The following DMXL1 variants were observed in gnomAD, a reference collection of about 807,000 sequenced individuals.
DMXL1 encodes the protein dmX-like protein 1.
DMXL1 carries 99 observed loss-of-function variants against 319.2 expected under a neutral mutation model. The observed-to-expected ratio is 0.31, with a 90% CI of 0.26 to 0.37. DMXL1 has a LOEUF of 0.37. DMXL1 is among the 10% of genes least tolerant of loss of function. The pLI is 1.00. For missense variants in DMXL1, 3,745 were observed against 3,595.6 expected (o/e 1.04, Z -1.06); for synonymous variants, 1,385 against 1,235.2 (o/e 1.12, Z -2.54).
At chr5:119,212,978 C>G (rs904868099) in intron 34 of DMXL1, among the ~76,000 whole-genome samples, 4 of 152,070 alleles carry the variant, frequency 2.6e-5, no homozygotes, top group Admixed American at 2.6e-4. Flanking sequence ...CCTTCTTAAA[C>G]CCAACTTTTT....
intron 32 of DMXL1, among the ~76,000 whole-genome samples, chr5:119,200,939 A>C (rs142447279): frequency 6.6e-6 from 1 of 152,264 alleles, no homozygotes; most frequent in African/African-American, 2.4e-5. Context: ...AACTTTGCTA[A>C]GTTGTTTATC....
chr5:119,147,414 G>A lies in DMXL1; in HGVS notation c.2855G>A (p.Ser952Asn), dbSNP rs1361906460. The change falls in exon 17 of 44, where the codon AGC (serine) becomes AAC (asparagine). Residue 952 changes from serine to asparagine, a missense_variant. Transcript: ENST00000539542. Reference protein sequence around the residue: ...RLTLFSEMVYSQELHLPEGVE... With the variant: ...RLTLFSEMVYNQELHLPEGVE... ...ACTCTGTTTTCAGAAATGGTTTATAGCCAAGAATTGCATTTACCAGAAGGA... is the reference window on the plus strand; with the variant it reads ...ACTCTGTTTTCAGAAATGGTTTATAACCAAGAATTGCATTTACCAGAAGGA... 1 of 1,613,356 alleles carries A rather than the reference G, an allele frequency of 6.2e-7. No individual in the cohort carries two copies. The highest frequency in any genetic ancestry group is 8.5e-7 in the Non-Finnish European group (1 of 1,179,682).
chr5:119,177,632 TAC>T (rs1254081967), intron 27 of DMXL1, 148 bp downstream of exon 27: 7 of 613,470 alleles, frequency 1.1e-5, no homozygotes, highest in South Asian at 1.0e-4. Flanking sequence ...CATTCTGAAT[TAC>T]AGTTACTTAA....
intron 23 of DMXL1, among the ~76,000 whole-genome samples, chr5:119,169,926 C>T (rs1057432340): frequency 1.3e-5 from 2 of 152,110 alleles, no homozygotes; most frequent in South Asian, 2.1e-4. Context: ...TATAACTGGA[C>T]GTTTTAAATT....
At chr5:119,169,957 G>A (rs1774217696) in intron 23 of DMXL1, among the ~76,000 whole-genome samples, 1 of 152,190 alleles carries the variant, frequency 6.6e-6, no homozygotes, top group South Asian at 2.1e-4. Flanking sequence ...ATTACCTGAA[G>A]AGACTTGTTT....
intron 18 of DMXL1, 133 bp downstream of exon 18, chr5:119,150,554 T>G: frequency 3.0e-6 from 3 of 985,684 alleles, no homozygotes; most frequent in Non-Finnish European, 4.3e-6. Flanking sequence ...TTTGGGAGGC[T>G]GAGGCAGGAG....
chr5:119,173,684 GTGTGTGTGTGTGTGTA>G (rs1204614893), intron 25 of DMXL1, among the ~76,000 whole-genome samples: 9 of 112,332 alleles, frequency 8.0e-5, no homozygotes, highest in East Asian at 9.4e-4. Flanking sequence ...GTGTGTGTGT[GTGTGTGTGTGTGTGTA>G]TATATATATG....
At chr5:119,161,726 A>G (rs865812989) in intron 19 of DMXL1, among the ~76,000 whole-genome samples, 2 of 152,012 alleles carry the variant, frequency 1.3e-5, no homozygotes, top group African/African-American at 2.4e-5. Flanking sequence ...GTAGATGTCT[A>G]CCAGTCTGGG....
intron 8 of DMXL1, 44 bp downstream of exon 8, chr5:119,119,048 T>C (rs1286930595): frequency 1.5e-6 from 2 of 1,353,528 alleles, no homozygotes; most frequent in Admixed American, 2.2e-5. Flanking sequence ...TTTAAAACCT[T>C]TGGTACATTG....
chr5:119,123,377 G>C (rs1762706883), intron 9 of DMXL1, among the ~76,000 whole-genome samples: 1 of 70,350 alleles, frequency 1.4e-5, no homozygotes, highest in Non-Finnish European at 2.9e-5. Context: ...GGGAGAGGGA[G>C]AGGGAGAGGA....
intron 9 of DMXL1, among the ~76,000 whole-genome samples, chr5:119,121,797 T>C (rs1762117760): frequency 6.6e-6 from 1 of 152,168 alleles, no homozygotes; most frequent in Non-Finnish European, 1.5e-5. Context: ...AGCTGTTGGG[T>C]ACACCTCCCA....
At chr5:119,183,621 C>A (rs1415777753) in intron 28 of DMXL1, among the ~76,000 whole-genome samples, 5 of 151,884 alleles carry the variant, frequency 3.3e-5, no homozygotes, top group African/African-American at 1.2e-4. Flanking sequence ...TACAGGCGTG[C>A]ACCACCACAC....
rs753804046 is a variant in DMXL1, at chr5:119,177,473, C to G, written c.6875C>G (p.Ala2292Gly). Residue 2292 changes from alanine to glycine, a missense_variant, in exon 27 of 44, where the codon GCT (alanine) becomes GGT (glycine). By Grantham distance (60) the Ala-to-Gly change is moderately conservative. Around this residue, in one of 4 missense-constraint regions of DMXL1, gnomAD observed 1,382 missense variants for 1,269.5 expected, o/e 1.09. Coordinates refer to ENST00000539542, the MANE Select transcript of DMXL1 (RefSeq NM_001290321.3). ...DEALTPNTSP[A>G]QWPGITCLIR... Reference sequence around the variant, plus strand: ...GCATTAACTCCCAATACGTCACCAGCTCAATGGCCAGGTATAATTTTTATG... The same window carrying G: ...GCATTAACTCCCAATACGTCACCAGGTCAATGGCCAGGTATAATTTTTATG... 3.1e-6 allele frequency: 5 copies of G among 1,599,312 alleles called. No homozygotes were observed.
At chr5:119,202,701 AT>A (rs1229215402) in intron 32 of DMXL1, among the ~76,000 whole-genome samples, 5 of 151,400 alleles carry the variant, frequency 3.3e-5, no homozygotes, top group Non-Finnish European at 7.4e-5. Context: ...AAATACAAAA[AT>A]TAGCTGGGCA....
intron 1 of DMXL1, among the ~76,000 whole-genome samples, chr5:119,094,515 A>G (rs958850949): frequency 2.0e-5 from 3 of 152,274 alleles, no homozygotes; most frequent in African/African-American, 7.2e-5. Flanking sequence ...GTGTACAAGG[A>G]GATTAATGTA....
At position 119,206,856 on chromosome 5, in the gene DMXL1, C is replaced by G. The variant is rs1219359308; in HGVS notation, c.7886C>G (p.Thr2629Ser). The stretch of plus-strand genomic sequence containing the variant: ...AAGTCATTAGAGGACAACAGTGAAA[C>G]CATCAAAAATTCTATGATGGAGGAG... The part of the protein sequence containing the change: ...LNESLEDNSE[T>S]IKNSMMEEPN... Residue 2629 changes from threonine (T) to serine (S), a missense_variant, in exon 34 of 44, where the codon ACC becomes AGC. Physicochemically the swap from Thr to Ser is moderately conservative, Grantham distance 58. Coordinates refer to ENST00000539542, the MANE Select transcript of DMXL1 (RefSeq NM_001290321.3). 6.5e-7 allele frequency: 1 copy of G among 1,528,614 alleles called. No homozygotes were observed. Among genetic ancestry groups the G allele is most frequent in the Non-Finnish European group, 8.8e-7 (1 of 1,142,250 alleles). The allele number at this position is 1,528,614 out of a possible 1,614,324, so 94.7% of individuals were successfully genotyped here. A position where few individuals can be genotyped will look rare whatever the true frequency, so the allele number is the denominator to read the frequency against.
In DMXL1 at chr5:119,186,809, A is replaced by C. The variant is rs530834153; in HGVS notation, c.7136-2899A>C. 7.9e-5 allele frequency among the ~76,000 whole-genome samples: 12 copies of C among 152,010 alleles called. No individual in the cohort carries two copies. In the South Asian group the frequency reaches 2.5e-3, roughly 32 times the overall value. ...CCACAGTGCAGATATTCTGAGGGTGAGGAAAGGATTGTTAAGGGAAGGAAG... is the reference window on the plus strand; with the variant it reads ...CCACAGTGCAGATATTCTGAGGGTGCGGAAAGGATTGTTAAGGGAAGGAAG... On this transcript the variant is annotated intron_variant, in intron 28 of 43. Transcript: ENST00000539542.
At chr5:119,153,336 A>G (rs1250434922) in intron 19 of DMXL1, among the ~76,000 whole-genome samples, 2 of 152,238 alleles carry the variant, frequency 1.3e-5, no homozygotes, top group Non-Finnish European at 2.9e-5. Context: ...ATGTATTTAT[A>G]GGGTACAAAG....
At chr5:119,077,490 T>TG (rs1561526589) in intron 1 of DMXL1, among the ~76,000 whole-genome samples, 2 of 143,568 alleles carry the variant, frequency 1.4e-5, no homozygotes, top group South Asian at 2.3e-4. Flanking sequence ...TTTTTTTTTT[T>TG]TTTTTTTTTT....
Sources: allele counts gnomAD v4.1 joint callset (sites outside exome capture counted in the v4.1 genomes callset), GRCh38; gene constraint gnomAD v4.1.1; regional missense constraint gnomAD v4.1.1; transcripts MANE v1.5; gene names NCBI Gene and HGNC (gene_info 2026-07-23, HGNC 2026-07-21).